MXI1: variants seen among roughly 807,000 people sequenced by gnomAD.
MXI1 encodes max-interacting protein 1.
In MXI1, 18 loss-of-function variants were observed where a neutral mutation model predicts 36.9. The observed-to-expected ratio is 0.49, with a 90% CI of 0.34 to 0.72. The LOEUF (loss-of-function observed/expected upper bound fraction) is 0.72. MXI1 is among the 30% of genes least tolerant of loss of function. The pLI is 0.01. For missense variants in MXI1, 304 were observed against 379.1 expected (o/e 0.80, Z 1.64); for synonymous variants, 160 against 146.7 (o/e 1.09, Z -0.65).
chr10:110,222,467 T>C (rs1276525221), intron 1 of MXI1, among the ~76,000 whole-genome samples: 2 of 152,192 alleles, frequency 1.3e-5, no homozygotes, highest in Non-Finnish European at 2.9e-5. Context: ...CACTTGGAAA[T>C]TGTCACTAAG....
chr10:110,239,599 A>G (rs1344692956), intron 2 of MXI1, among the ~76,000 whole-genome samples: 2 of 151,920 alleles, frequency 1.3e-5, no homozygotes, highest in African/African-American at 4.8e-5. Context: ...TGGAGAACTT[A>G]CTCTGTATGA....
Position 110,208,011 on chromosome 10 carries a change from C to A in MXI1, c.203C>A (p.Thr68Asn), listed in dbSNP as rs138877962. 7 of 1,605,564 alleles carry A rather than the reference C, an allele frequency of 4.4e-6. No homozygotes were observed. Among genetic ancestry groups the A allele is most frequent in the Non-Finnish European group, 5.1e-6 (6 of 1,176,268 alleles). The change falls in exon 1 of 6, where the codon ACT becomes AAT. Residue 68 changes from threonine (T) to asparagine (N), a missense_variant. Coordinates refer to ENST00000332674, the MANE Select transcript of MXI1 (RefSeq NM_130439.3). Reference protein sequence around the residue: ...SENSMEKHINTFLQNVQILLE... With the variant: ...SENSMEKHINNFLQNVQILLE... ...AACTCGATGGAGAAGCACATCAACA[C>A]TTTTCTGCAGAACGTGCAGATTCTG...
At chr10:110,280,466 G>A (rs1211341638) in intron 5 of MXI1, among the ~76,000 whole-genome samples, 1 of 151,884 alleles carries the variant, frequency 6.6e-6, no homozygotes, top group African/African-American at 2.4e-5. Context: ...AGATCACAAG[G>A]TCAGGAGATC....
chr10:110,217,297 A>G (rs961390912), intron 1 of MXI1, among the ~76,000 whole-genome samples: 2 of 152,212 alleles, frequency 1.3e-5, no homozygotes, highest in East Asian at 1.9e-4. Flanking sequence ...ACTGAAGCCA[A>G]TTAAAGGGGA....
intron 2 of MXI1, among the ~76,000 whole-genome samples, chr10:110,228,738 T>C (rs988880313): frequency 1.3e-5 from 2 of 152,048 alleles, no homozygotes; most frequent in Non-Finnish European, 2.9e-5. Context: ...AATAAAAATA[T>C]TTAGGTAGAA....
At chr10:110,272,135 T>A (rs1423634346) in intron 3 of MXI1, among the ~76,000 whole-genome samples, 1 of 152,184 alleles carries the variant, frequency 6.6e-6, no homozygotes, top group East Asian at 1.9e-4. Context: ...AGGTTGAGCA[T>A]CCCAAGTCCA....
At chr10:110,253,802 G>C (rs1228707317) in intron 3 of MXI1, among the ~76,000 whole-genome samples, 3 of 152,054 alleles carry the variant, frequency 2.0e-5, no homozygotes, top group African/African-American at 7.2e-5. Context: ...AAGATGCAAA[G>C]GGTATTAGTA....
intron 5 of MXI1, among the ~76,000 whole-genome samples, chr10:110,283,943 A>T (rs1214725655): frequency 1.4e-5 from 2 of 147,346 alleles, no homozygotes; most frequent in Non-Finnish European, 3.0e-5. Context: ...CACTATACCC[A>T]GCTAATTTTT....
intron 2 of MXI1, among the ~76,000 whole-genome samples, chr10:110,244,066 T>G (rs986264120): frequency 8.5e-5 from 13 of 152,074 alleles, no homozygotes; most frequent in African/African-American, 2.9e-4. Flanking sequence ...AAACAAAGGT[T>G]GTTTTAGGGA....
At chr10:110,255,725 G>C (rs1856262815) in intron 3 of MXI1, among the ~76,000 whole-genome samples, 1 of 152,240 alleles carries the variant, frequency 6.6e-6, no homozygotes, top group Admixed American at 6.5e-5. Flanking sequence ...ACTTAATATT[G>C]TTAAGATGGC....
chr10:110,213,010 A>C (rs1047062189), intron 1 of MXI1, among the ~76,000 whole-genome samples: 3 of 152,202 alleles, frequency 2.0e-5, no homozygotes, highest in African/African-American at 7.2e-5. Context: ...GATTGGTTAG[A>C]TTTGTCATTT....
intron 3 of MXI1, among the ~76,000 whole-genome samples, chr10:110,271,418 G>T (rs1308136076): frequency 1.3e-5 from 2 of 152,154 alleles, no homozygotes; most frequent in Non-Finnish European, 2.9e-5. Context: ...TTGAAAAACA[G>T]AAATGACTAA....
chr10:110,282,793 C>T (rs1195296445), intron 5 of MXI1, among the ~76,000 whole-genome samples: 2 of 152,102 alleles, frequency 1.3e-5, no homozygotes, highest in East Asian at 3.8e-4. Context: ...TTGGCTAAAG[C>T]AGTTTCTCAT....
At chr10:110,282,176 A>C (rs1366307133) in intron 5 of MXI1, among the ~76,000 whole-genome samples, 1 of 152,120 alleles carries the variant, frequency 6.6e-6, no homozygotes, top group African/African-American at 2.4e-5. Context: ...TGGTTTTACT[A>C]TTTTTTGATT....
chr10:110,276,612 C>CG (rs1857038422), intron 3 of MXI1, among the ~76,000 whole-genome samples: 1 of 115,962 alleles, frequency 8.6e-6, no homozygotes, highest in African/African-American at 3.5e-5. Flanking sequence ...TTAAAGTTAA[C>CG]ATTTTTTTTT....
chr10:110,257,866 C>T, intron 3 of MXI1: 1 of 304,400 alleles, frequency 3.3e-6, no homozygotes, highest in South Asian at 3.6e-5. Context: ...AAAAAACAAA[C>T]AAACAAACAA....
chr10:110,242,040 T>G (rs1158183001), intron 2 of MXI1, among the ~76,000 whole-genome samples: 1 of 151,980 alleles, frequency 6.6e-6, no homozygotes, highest in Non-Finnish European at 1.5e-5. Flanking sequence ...TCTTTTTGTG[T>G]TGTTTGCTGG....
Position 110,273,607 on chromosome 10 carries a change from G to A in MXI1, c.438-5573G>A, listed in dbSNP as rs1262603802. 2.0e-5 allele frequency among the ~76,000 whole-genome samples: 3 copies of A among 151,112 alleles called. No homozygotes were observed. In the East Asian group the frequency reaches 5.8e-4, roughly 29 times the overall value. On this transcript the variant is annotated intron_variant, in intron 3 of 5. Coordinates refer to ENST00000332674, the MANE Select transcript of MXI1 (RefSeq NM_130439.3). ...AGGAAAAGTAGCTAGCTGCTGTCAC[G>A]TGCAGGAGTGTGTGTTGGGAGTTGA...
At chr10:110,270,505 T>TA (rs5787842) in intron 3 of MXI1, among the ~76,000 whole-genome samples, 13 of 151,782 alleles carry the variant, frequency 8.6e-5, no homozygotes, top group East Asian at 3.9e-4. Flanking sequence ...GCAGGATAAT[T>TA]AAAAAAAATA....
Sources: allele counts gnomAD v4.1 joint callset (sites outside exome capture counted in the v4.1 genomes callset), GRCh38; gene constraint gnomAD v4.1.1; transcripts MANE v1.5; gene names NCBI Gene and HGNC (gene_info 2026-07-23, HGNC 2026-07-21).